Variants in CCDC158 observed in about 807,000 individuals in gnomAD.
CCDC158 encodes coiled-coil domain-containing protein 158.
Under a neutral mutation model 138.6 loss-of-function variants are expected in CCDC158, and 116 were observed. The observed-to-expected ratio is 0.84, with a 90% CI of 0.72 to 0.98. The LOEUF is 0.98. Among genes scored for constraint, CCDC158 ranks in the 50% least tolerant of loss-of-function variants. The pLI is 0.00. For missense variants in CCDC158, 1,265 were observed against 1,306.1 expected (o/e 0.97, Z 0.48); for synonymous variants, 436 against 442.4 (o/e 0.99, Z 0.18).
intron 18 of CCDC158, among the ~76,000 whole-genome samples, chr4:76,348,268 CAAA>C (rs11453657): frequency 7.9e-6 from 1 of 125,944 alleles, no homozygotes; most frequent in African/African-American, 3.0e-5. Flanking sequence ...ACTAAATATA[CAAA>C]AAAAAAAAAA....
chr4:76,316,342 C>G (rs1041122925), intron 24 of CCDC158, among the ~76,000 whole-genome samples: 3 of 152,060 alleles, frequency 2.0e-5, no homozygotes, highest in African/African-American at 4.8e-5. Context: ...TAGACTAGAA[C>G]AAGTAGAAGA....
At chr4:76,316,193 C>T (rs1403669985) in intron 24 of CCDC158, among the ~76,000 whole-genome samples, 1 of 152,054 alleles carries the variant, frequency 6.6e-6, no homozygotes, top group Non-Finnish European at 1.5e-5. Flanking sequence ...TAAAAACCAA[C>T]TTAAAGAAAT....
At chr4:76,337,314 T>C (rs1346727991) in intron 18 of CCDC158, among the ~76,000 whole-genome samples, 2 of 152,230 alleles carry the variant, frequency 1.3e-5, no homozygotes, top group Non-Finnish European at 2.9e-5. Context: ...AAATTATCAA[T>C]CTTTCTTTTT....
chr4:76,315,978 G>C (rs569912481), intron 24 of CCDC158, among the ~76,000 whole-genome samples: 1 of 152,110 alleles, frequency 6.6e-6, no homozygotes, highest in African/African-American at 2.4e-5. Context: ...CTTGAGTTCC[G>C]GGCTTTTCCA....
chr4:76,394,772 T>TA (rs58076565), intron 4 of CCDC158, among the ~76,000 whole-genome samples: 12 of 150,390 alleles, frequency 8.0e-5, no homozygotes, highest in African/African-American at 2.4e-4. Context: ...TTTGTTTAAT[T>TA]AAAAAAAAAG....
intron 18 of CCDC158, chr4:76,344,426 T>C: frequency 4.9e-6 from 3 of 614,566 alleles, no homozygotes; most frequent in Non-Finnish European, 8.8e-6. Context: ...TGTGCCACAG[T>C]GAGTTGTAAG....
At chr4:76,363,210 C>T (rs1470512365) in intron 12 of CCDC158, among the ~76,000 whole-genome samples, 5 of 152,130 alleles carry the variant, frequency 3.3e-5, no homozygotes, top group Non-Finnish European at 1.5e-5. Flanking sequence ...TATAAAAACC[C>T]GGGCACTGAG....
chr4:76,382,672 A>G lies in CCDC158; in HGVS notation c.852T>C (p.Thr284=). 6.2e-7 allele frequency: 1 copy of G among 1,613,658 alleles called. No homozygotes were observed. The highest frequency in any genetic ancestry group is 8.5e-7 in the Non-Finnish European group (1 of 1,179,716). The part of the protein sequence containing the change: ...SEHEVEITGL[T]EKASSARSQA... ...GGCTTCGAGCACTGCTAGCTTTCTC[A>G]GTAAGTCCTGTTATTTCAACTTCAT... Residue 284 remains threonine (T), a synonymous_variant, in exon 8 of 25, where the codon ACT becomes ACC. Transcript: ENST00000682701.
intron 24 of CCDC158, among the ~76,000 whole-genome samples, chr4:76,319,839 T>A (rs1410267798): frequency 6.6e-6 from 1 of 152,014 alleles, no homozygotes; most frequent in Non-Finnish European, 1.5e-5. Flanking sequence ...AACATTATAC[T>A]GAAAGGGGAA....
At chr4:76,343,126 G>T (rs1457234008) in intron 18 of CCDC158, among the ~76,000 whole-genome samples, 1 of 152,176 alleles carries the variant, frequency 6.6e-6, no homozygotes. Flanking sequence ...TGAGTATTAA[G>T]TGAGACTGCA....
chr4:76,401,427 A>C (rs1047892047), intron 3 of CCDC158: 1 of 457,438 alleles, frequency 2.2e-6, no homozygotes, highest in Non-Finnish European at 4.3e-6. Context: ...TTCTGGAAAA[A>C]GACTAAAACG....
intron 12 of CCDC158, among the ~76,000 whole-genome samples, chr4:76,363,302 T>C (rs1411174002): frequency 6.6e-6 from 1 of 152,200 alleles, no homozygotes; most frequent in Non-Finnish European, 1.5e-5. Context: ...GAGTAGGAAG[T>C]AAGCATGTCC....
intron 8 of CCDC158, among the ~76,000 whole-genome samples, chr4:76,381,883 G>GT (rs1726283413): frequency 6.6e-6 from 1 of 151,910 alleles, no homozygotes; most frequent in Non-Finnish European, 1.5e-5. Context: ...GGGTTTCACC[G>GT]TGTTAGCCAG....
intron 18 of CCDC158, among the ~76,000 whole-genome samples, chr4:76,338,177 G>A (rs1182984722): frequency 6.6e-6 from 1 of 152,170 alleles, no homozygotes; most frequent in Non-Finnish European, 1.5e-5. Flanking sequence ...TGGAGCTAAG[G>A]CAGTGATGCT....
At chr4:76,386,309 C>T (rs955169267) in intron 4 of CCDC158, among the ~76,000 whole-genome samples, 1 of 152,218 alleles carries the variant, frequency 6.6e-6, no homozygotes, top group Non-Finnish European at 1.5e-5. Flanking sequence ...AAAATAGGGT[C>T]TGGAGGCAGG....
chr4:76,381,418 T>G (rs1238164169), intron 8 of CCDC158, among the ~76,000 whole-genome samples: 1 of 152,184 alleles, frequency 6.6e-6, no homozygotes, highest in African/African-American at 2.4e-5. Flanking sequence ...TTTCAGAGCT[T>G]TAAGATTTAA....
intron 11 of CCDC158, 117 bp from the exon 12 acceptor site, chr4:76,367,893 T>A (rs1578992599): frequency 1.6e-5 from 13 of 822,130 alleles, no homozygotes; most frequent in Non-Finnish European, 2.0e-5. Context: ...TTTAGTAAGA[T>A]CTTTTTTTTT....
At chr4:76,390,052 C>A (rs534894201) in intron 4 of CCDC158, among the ~76,000 whole-genome samples, 1 of 151,972 alleles carries the variant, frequency 6.6e-6, no homozygotes, top group South Asian at 2.1e-4. Flanking sequence ...TAATAGTAAG[C>A]ACACAGAACA....
chr4:76,391,721 A>G (rs28795388), intron 4 of CCDC158, among the ~76,000 whole-genome samples: 1 of 151,930 alleles, frequency 6.6e-6, no homozygotes, highest in East Asian at 1.9e-4. Flanking sequence ...AAGATCAATG[A>G]AACAGAATGT....
Sources: gnomAD v4.1 joint callset for allele counts (sites outside exome capture counted in the v4.1 genomes callset) on GRCh38, gnomAD v4.1.1 for gene constraint, MANE v1.5 for transcripts, NCBI Gene and HGNC (gene_info 2026-07-23, HGNC 2026-07-21) for gene names.